NCAPH2: variants seen among roughly 807,000 people sequenced by gnomAD.
The protein encoded by NCAPH2 is condensin-2 complex subunit H2.
In NCAPH2, 56 loss-of-function variants were observed where a neutral mutation model predicts 88.6. That is an observed-to-expected ratio of 0.63 (90% confidence interval 0.51 to 0.79). The LOEUF (loss-of-function observed/expected upper bound fraction) is 0.79, where lower values mean the gene tolerates loss of function less well. NCAPH2 is among the 30% of genes least tolerant of loss of function. The probability of loss-of-function intolerance (pLI) is 0.00; values close to 1 mark genes in which losing one functional copy is unlikely to be tolerated. For missense variants in NCAPH2, 794 were observed against 792.0 expected (o/e 1.00, Z -0.03); for synonymous variants, 378 against 313.6 (o/e 1.21, Z -2.17).
chr22:50,518,142 T>C lies in NCAPH2; in HGVS notation c.510T>C (p.Gly170=). 6.2e-7 allele frequency: 1 copy of C among 1,613,840 alleles called. No individual in the cohort carries two copies. The highest frequency in any genetic ancestry group is 8.5e-7 in the Non-Finnish European group (1 of 1,179,926). ...GTTTTTGCCAGCACAGCCGTCAGGGTGAGGTCCTGGCCAGCCGGAAGGATT... is the reference window on the plus strand; with the variant it reads ...GTTTTTGCCAGCACAGCCGTCAGGGCGAGGTCCTGGCCAGCCGGAAGGATT... ...KNNNPLYSRQ[G]EVLASRKDFR... is the part of the protein sequence containing the mutation. Residue 170 remains glycine, a synonymous_variant, in exon 7 of 20, where the codon GGT becomes GGC. Coordinates refer to ENST00000420993, the MANE Select transcript of NCAPH2 (RefSeq NM_152299.4).
chr22:50,520,382 TAG>T (rs1166432754), intron 9 of NCAPH2: 1 of 151,618 alleles, frequency 6.6e-6, no homozygotes, highest in Non-Finnish European at 1.5e-5. Flanking sequence ...GCCTCCCGAG[TAG>T]CTGGGACTAC....
Position 50,520,995 on chromosome 22 carries a change from C to T in NCAPH2, c.892C>T (p.Arg298Trp), listed in dbSNP as rs151200118. ...TGCCCTGCCCAGGAGGTACATGCTG[C>T]GGGAGCGGGAGGGGGCCCCAGAGCC... The part of the protein sequence containing the change: ...SAALPRRYML[R>W]EREGAPEPAS... Residue 298 changes from arginine (R) to tryptophan (W), a missense_variant, in exon 10 of 20, where the codon CGG becomes TGG. By Grantham distance (101) the Arg-to-Trp change is moderately radical. Transcript: ENST00000420993. 17 of 1,550,868 alleles carry T rather than the reference C, an allele frequency of 1.1e-5. No homozygotes were observed. Among genetic ancestry groups the T allele is most frequent in the Middle Eastern group, 1.7e-4 (1 of 6,006 alleles).
At position 50,521,506 on chromosome 22, in the gene NCAPH2, C is replaced by T. The variant is rs201381452; in HGVS notation, c.934-37C>T. On this transcript the variant is annotated intron_variant, in intron 10 of 19. Transcript: ENST00000420993. The stretch of plus-strand genomic sequence containing the variant: ...CTTTGGGAGGGACGGCTGTGCACCC[C>T]CTACTTCTCCAGCGCCTTCTTGTGC... The T allele has an allele frequency of 4.2e-5, 68 of 1,610,284 alleles. No individual in the cohort carries two copies. The African/African-American group carries it at 8.3e-4, about 20-fold the overall frequency.
chr22:50,520,257 T>C (rs1161247106), intron 9 of NCAPH2, among the ~76,000 whole-genome samples: 1 of 151,872 alleles, frequency 6.6e-6, no homozygotes, highest in Non-Finnish European at 1.5e-5. Context: ...TCTTATTTTA[T>C]TTATTTATTT....
intron 9 of NCAPH2, 94 bp from the exon 10 acceptor site, chr22:50,520,871 G>A (rs2069069202): frequency 3.5e-6 from 5 of 1,426,808 alleles, no homozygotes; most frequent in East Asian, 5.0e-5. Context: ...CCCTTGTAGG[G>A]TTCTTGATGT....
Position 50,523,387 on chromosome 22 carries a change from C to A in NCAPH2, c.*12C>A. 3.3e-6 allele frequency: 5 copies of A among 1,536,918 alleles called. No individual in the cohort carries two copies. Among genetic ancestry groups the A allele is most frequent in the Non-Finnish European group, 4.4e-6 (5 of 1,140,316 alleles). On this transcript the variant is annotated 3_prime_UTR_variant, in exon 20 of 20. Coordinates refer to ENST00000420993, the MANE Select transcript of NCAPH2 (RefSeq NM_152299.4). Reference sequence around the variant, plus strand: ...TGGCCCAGCCCTGAGTGGGGAGCACCGAGGCAGGGGTGGGGGAATGTGTAC... The same window carrying A: ...TGGCCCAGCCCTGAGTGGGGAGCACAGAGGCAGGGGTGGGGGAATGTGTAC...
At chr22:50,509,956 A>G (rs2068740421) in intron 1 of NCAPH2, among the ~76,000 whole-genome samples, 1 of 152,074 alleles carries the variant, frequency 6.6e-6, no homozygotes, top group Non-Finnish European at 1.5e-5. Context: ...TTTGAGACGG[A>G]GTCTCACTCT....
chr22:50,518,763 A>G (rs2069000479), intron 8 of NCAPH2, 31 bp downstream of exon 8: 1 of 1,574,498 alleles, frequency 6.4e-7, no homozygotes, highest in Middle Eastern at 2.2e-4. Context: ...TGGGACTGGC[A>G]GGGCAGCCAA....
chr22:50,517,271 T>C (rs2068950746), intron 2 of NCAPH2, among the ~76,000 whole-genome samples, 156 bp from the exon 3 acceptor site: 1 of 152,144 alleles, frequency 6.6e-6, no homozygotes, highest in Non-Finnish European at 1.5e-5. Flanking sequence ...CCTGGTTTGA[T>C]TTGAGAATTA....
chr22:50,516,423 C>T, intron 1 of NCAPH2, 24 bp from the exon 2 acceptor site: 1 of 1,611,626 alleles, frequency 6.2e-7, no homozygotes. Context: ...TGGATTCCCC[C>T]TGTCTTTGTG....
rs754849089 is a variant in NCAPH2 at position 50,508,344 on chromosome 22, G to A, written c.7G>A (p.Asp3Asn). The change falls in exon 1 of 20, where the codon GAC (aspartate) becomes AAC (asparagine). Residue 3 changes from aspartate (D) to asparagine (N), a missense_variant. Asp to Asn is a conservative substitution (Grantham distance 23, BLOSUM62 1). Transcript: ENST00000420993. ...CGCCCGTTCCCTCCCGGACATGGAG[G>A]ACGTGGAGGCGCGCTTCGCCCACCT... ME[D>N]VEARFAHLLQ... is the part of the protein sequence containing the mutation. 1 of 1,484,646 alleles carries A rather than the reference G, an allele frequency of 6.7e-7. No homozygotes were observed. The highest frequency in any genetic ancestry group is 8.9e-7 in the Non-Finnish European group (1 of 1,121,204). 92.0% of individuals were successfully genotyped at this position (1,484,646 alleles called of 1,614,324 possible).
intron 1 of NCAPH2, among the ~76,000 whole-genome samples, chr22:50,512,298 G>A (rs6010129): frequency 0.13 from 20,360 of 152,164 alleles, 3,394 homozygotes; most frequent in African/African-American, 0.39. Flanking sequence ...GAGAAAATAC[G>A]GGGAACTGTG....
rs1034036469 is a variant in NCAPH2, at chr22:50,524,075, C to A, written c.*700C>A. 1 of 1,613,232 alleles carries A rather than the reference C, an allele frequency of 6.2e-7. No individual in the cohort carries two copies. The highest frequency in any genetic ancestry group is 8.5e-7 in the Non-Finnish European group (1 of 1,180,020). ...CCCCGGAAGTCAGCCTTGCAGCGAG[C>A]CCGGCCTCTGTGATCCAGCAGGTGG... On this transcript the variant is annotated 3_prime_UTR_variant, in exon 20 of 20. Coordinates refer to ENST00000420993, the MANE Select transcript of NCAPH2 (RefSeq NM_152299.4).
chr22:50,518,075 G>T, intron 6 of NCAPH2, 23 bp downstream of exon 6: 1 of 1,613,614 alleles, frequency 6.2e-7, no homozygotes, highest in Non-Finnish European at 8.5e-7. Flanking sequence ...GCCCAGCGAC[G>T]GGGAGGGAGG....
Position 50,518,646 on chromosome 22 carries a change from C to T in NCAPH2, c.647-3C>T, listed in dbSNP as rs764623980. 2.5e-6 allele frequency: 4 copies of T among 1,604,266 alleles called. No individual in the cohort carries two copies. Among genetic ancestry groups the T allele is most frequent in the Non-Finnish European group, 3.4e-6 (4 of 1,176,782 alleles). On this transcript the variant is annotated splice_polypyrimidine_tract_variant and splice_region_variant and intron_variant, in intron 7 of 19. Coordinates refer to ENST00000420993, the MANE Select transcript of NCAPH2 (RefSeq NM_152299.4). ...GACCTTGTCTGATCCCTGTCTCTCC[C>T]AGACACCGGGAGGACTGAGGAGCAG...
chr22:50,523,293 C>G lies in NCAPH2; in HGVS notation c.1736C>G (p.Thr579Ser). Residue 579 changes from threonine (T) to serine (S), a missense_variant, in exon 20 of 20, where the codon ACC (threonine) becomes AGC (serine). By Grantham distance (58) the Thr-to-Ser change is moderately conservative. This residue lies in a region of NCAPH2 where 735 missense variants were observed against 696.3 expected (regional missense o/e 1.06). Transcript: ENST00000420993. The part of the protein sequence containing the change: ...QQPGLEMAVD[T>S]MSLRLLTHQR... ...CCCGGGCTGGAGATGGCCGTGGACA[C>G]CATGTCCCTGAGACTGCTCACGCAC... is the stretch of plus-strand genomic sequence containing the variant. 3 of 1,604,372 alleles carry G rather than the reference C, an allele frequency of 1.9e-6. No homozygotes were observed. The highest frequency in any genetic ancestry group is 2.6e-6 in the Non-Finnish European group (3 of 1,175,566).
chr22:50,522,107 C>T, intron 13 of NCAPH2, 68 bp downstream of exon 13: 2 of 1,612,580 alleles, frequency 1.2e-6, no homozygotes, highest in East Asian at 2.2e-5. Context: ...CACCTGGTGT[C>T]ACCCAAAGCC....
At chr22:50,511,654 T>TG in intron 1 of NCAPH2, among the ~76,000 whole-genome samples, 1 of 140,888 alleles carries the variant, frequency 7.1e-6, no homozygotes, top group Non-Finnish European at 1.5e-5. Flanking sequence ...CTAATTTTTT[T>TG]TTTTTTCTTG....
In NCAPH2 at chr22:50,521,736, C is replaced by G; in HGVS notation, c.1001-5C>G. The G allele has an allele frequency of 6.2e-7, 1 of 1,613,880 alleles. No homozygotes were observed. Among genetic ancestry groups the G allele is most frequent in the Non-Finnish European group, 8.5e-7 (1 of 1,179,984 alleles). On this transcript the variant is annotated splice_polypyrimidine_tract_variant and splice_region_variant and intron_variant, in intron 11 of 19. Coordinates refer to ENST00000420993, the MANE Select transcript of NCAPH2 (RefSeq NM_152299.4). ...GGCTCTAAGACAGTCCCTGTTTGCC[C>G]CCAGGTAGGCCTTACTCTGTGCCCC...
Sources: allele counts gnomAD v4.1 joint callset (sites outside exome capture counted in the v4.1 genomes callset), GRCh38; gene constraint gnomAD v4.1.1; regional missense constraint gnomAD v4.1.1; transcripts MANE v1.5; gene names NCBI Gene and HGNC (gene_info 2026-07-23, HGNC 2026-07-21).